NBEAL1: variants seen among roughly 807,000 people sequenced by gnomAD.
NBEAL1 encodes neurobeachin-like protein 1.
NBEAL1 carries 273 observed loss-of-function variants against 351.3 expected under a neutral mutation model. The observed-to-expected ratio is 0.78, with a 90% CI of 0.70 to 0.86. The LOEUF is 0.86. Among genes scored for constraint, NBEAL1 ranks in the 40% least tolerant of loss-of-function variants. The pLI, the probability that NBEAL1 is intolerant of heterozygous loss-of-function variation, is 0.00. For synonymous variants in NBEAL1, 1,050 were observed against 1,086.4 expected, an observed-to-expected ratio of 0.97 and a Z score of 0.66; for missense variants, 2,961 against 3,201.3, an observed-to-expected ratio of 0.92 and a Z score of 1.81.
At position 203,062,452 on chromosome 2, in the gene NBEAL1, G is replaced by A; in HGVS notation, c.515+4999G>A. The A allele has an allele frequency of 5.5e-6, 2 of 366,166 alleles. No homozygotes were observed. The highest frequency in any genetic ancestry group is 4.2e-5 in the South Asian group (2 of 47,868). The allele number at this position is 366,166 out of a possible 1,614,324, so 22.7% of individuals were successfully genotyped here. A position where few individuals can be genotyped will look rare whatever the true frequency, so the allele number is the denominator to read the frequency against. ...GCATCCTGCCCAGGGATCTTGCAGGGCCTGCAGGTCACAGGCAACAGAGGC... is the reference window on the plus strand; with the variant it reads ...GCATCCTGCCCAGGGATCTTGCAGGACCTGCAGGTCACAGGCAACAGAGGC... On this transcript the variant is annotated intron_variant, in intron 6 of 55. Coordinates refer to ENST00000683969, the MANE Select transcript of NBEAL1 (RefSeq NM_001378026.1). This position sits in a 1 kb window ranked among gnomAD's most constrained non-coding sequence, Gnocchi z 4.2.
At position 203,213,667 on chromosome 2, in the gene NBEAL1, T is replaced by A; in HGVS notation, c.8070+14T>A. On this transcript the variant is annotated intron_variant, in intron 55 of 55. Transcript: ENST00000683969. ...AAGCCTGCTGAGGTAAAACCTAGCA[T>A]CAGTAATTTCATTTCTCATGCTGTT... The A allele has an allele frequency of 6.2e-7, 1 of 1,613,400 alleles. No homozygotes were observed. Among genetic ancestry groups the A allele is most frequent in the Non-Finnish European group, 8.5e-7 (1 of 1,179,788 alleles).
At chr2:203,190,451 C>A in intron 46 of NBEAL1, 62 bp downstream of exon 46, 1 of 1,142,540 alleles carries the variant, frequency 8.8e-7, no homozygotes, top group Non-Finnish European at 1.3e-6. Flanking sequence ...AAGTACATAA[C>A]AAAATATTGC....
chr2:203,195,142 C>T (rs1253349850), intron 47 of NBEAL1, among the ~76,000 whole-genome samples: 2 of 148,968 alleles, frequency 1.3e-5, no homozygotes, highest in Admixed American at 6.7e-5. Context: ...TGCAGTGAGC[C>T]GAGATCACGC....
chr2:203,185,105 A>T (rs2064856736), intron 44 of NBEAL1, among the ~76,000 whole-genome samples: 1 of 152,200 alleles, frequency 6.6e-6, no homozygotes, highest in Admixed American at 6.5e-5. Context: ...TCCAAGGTTG[A>T]ACAGGCAGTT....
chr2:203,031,695 TG>T (rs1270923209), intron 2 of NBEAL1, among the ~76,000 whole-genome samples: 2 of 152,088 alleles, frequency 1.3e-5, no homozygotes, highest in African/African-American at 4.8e-5. Context: ...TATCTTGAAA[TG>T]GGGGAAAAAT....
chr2:203,218,146 A>C lies in NBEAL1; in HGVS notation c.*792A>C, dbSNP rs1164433188. The stretch of plus-strand genomic sequence containing the variant: ...TTGACTCTTTCTTCACTAAGCAAAT[A>C]CTGTTTTACTCTAATAATTAAGAGT... On this transcript the variant is annotated 3_prime_UTR_variant, in exon 56 of 56. Coordinates refer to ENST00000683969, the MANE Select transcript of NBEAL1 (RefSeq NM_001378026.1). 2 of 161,624 alleles carry C rather than the reference A, an allele frequency of 1.2e-5. No homozygotes were observed. The highest frequency in any genetic ancestry group is 4.8e-5 in the African/African-American group (2 of 41,614). 10.0% of individuals were successfully genotyped at this position (161,624 alleles called of 1,614,324 possible).
intron 47 of NBEAL1, among the ~76,000 whole-genome samples, chr2:203,195,981 C>T (rs1020490970): frequency 2.0e-5 from 3 of 152,150 alleles, no homozygotes; most frequent in African/African-American, 7.2e-5. Flanking sequence ...ATGAACTGTT[C>T]GCCAGCCAAG....
Position 203,145,117 on chromosome 2 carries a change from A to G in NBEAL1, c.5261A>G (p.His1754Arg), listed in dbSNP as rs766725336. The change falls in exon 33 of 56, where the codon CAT (histidine) becomes CGT (arginine). Residue 1754 changes from histidine (H) to arginine (R), a missense_variant. Physicochemically the swap from His to Arg is conservative, Grantham distance 29 (BLOSUM62 0). Transcript: ENST00000683969. The stretch of plus-strand genomic sequence containing the variant: ...TATGAAGCTTTAATGGTAAATATGC[A>G]TAAACGAGACCGGGAAGGAGGGGAA... The part of the protein sequence containing the change: ...DCYEALMVNM[H>R]KRDREGGESK... 6.8e-6 allele frequency: 11 copies of G among 1,611,988 alleles called. No individual in the cohort carries two copies. Among genetic ancestry groups the G allele is most frequent in the South Asian group, 1.1e-5 (1 of 90,244 alleles).
At chr2:203,097,977 C>A (rs909609896) in intron 11 of NBEAL1, among the ~76,000 whole-genome samples, 2 of 151,958 alleles carry the variant, frequency 1.3e-5, no homozygotes, top group Non-Finnish European at 2.9e-5. Context: ...GACCTTAGGG[C>A]TTTCTTTGTG....
intron 8 of NBEAL1, among the ~76,000 whole-genome samples, 194 bp downstream of exon 8, chr2:203,078,031 C>A (rs1259886779): frequency 2.0e-5 from 3 of 152,026 alleles, no homozygotes; most frequent in Admixed American, 6.6e-5. Flanking sequence ...AATAAAATTA[C>A]TGAATAAATA....
chr2:203,091,759 C>T (rs1444459392), intron 10 of NBEAL1, among the ~76,000 whole-genome samples: 3 of 152,022 alleles, frequency 2.0e-5, no homozygotes, highest in Admixed American at 1.3e-4. Flanking sequence ...GCTTATTGGC[C>T]ATTTGTATAT....
chr2:203,020,941 G>A (rs2060760653), intron 2 of NBEAL1, among the ~76,000 whole-genome samples: 1 of 152,036 alleles, frequency 6.6e-6, no homozygotes. Flanking sequence ...TTGTTTTGGA[G>A]ACGGAGTCTC....
intron 7 of NBEAL1, among the ~76,000 whole-genome samples, chr2:203,074,476 C>T (rs929071068): frequency 4.6e-5 from 7 of 151,588 alleles, no homozygotes; most frequent in South Asian, 2.1e-4. Flanking sequence ...TACAGGTGCC[C>T]GCCATCATAC....
chr2:203,198,825 C>G (rs973053191), intron 48 of NBEAL1, among the ~76,000 whole-genome samples: 1 of 150,992 alleles, frequency 6.6e-6, no homozygotes, highest in Admixed American at 6.6e-5. Flanking sequence ...CCACTGCACT[C>G]CAGCCTGGGT....
At chr2:203,163,665 A>G (rs886490988) in intron 36 of NBEAL1, among the ~76,000 whole-genome samples, 1 of 152,214 alleles carries the variant, frequency 6.6e-6, no homozygotes, top group Admixed American at 6.5e-5. Context: ...ATAGAATCAT[A>G]CCATGTTTCT....
intron 10 of NBEAL1, among the ~76,000 whole-genome samples, chr2:203,093,250 A>G (rs1486157201): frequency 2.0e-5 from 3 of 149,738 alleles, no homozygotes; most frequent in African/African-American, 5.0e-5. Context: ...AAAAAAAAAA[A>G]AAAAAAAAGA....
At chr2:203,102,425 A>C (rs1393096194) in intron 12 of NBEAL1, among the ~76,000 whole-genome samples, 2 of 152,186 alleles carry the variant, frequency 1.3e-5, no homozygotes, top group Non-Finnish European at 2.9e-5. Flanking sequence ...TTCCCCATTC[A>C]GTATGATGTT....
chr2:203,102,413 T>A (rs960530140), intron 12 of NBEAL1, among the ~76,000 whole-genome samples: 1 of 152,228 alleles, frequency 6.6e-6, no homozygotes, highest in Non-Finnish European at 1.5e-5. Context: ...TGCTTCCAGC[T>A]TTTCCCCATT....
At chr2:203,209,739 G>GTGTGTGTGTGTA (rs2065724679) in intron 53 of NBEAL1, among the ~76,000 whole-genome samples, 1 of 151,658 alleles carries the variant, frequency 6.6e-6, no homozygotes, top group Non-Finnish European at 1.5e-5. Context: ...GTGTGTGTGT[G>GTGTGTGTGTGTA]TGTGTGTATT....
Sources: gnomAD v4.1 joint callset for allele counts (sites outside exome capture counted in the v4.1 genomes callset) on GRCh38, gnomAD v4.1.1 for gene constraint, Gnocchi (gnomAD v3.1) non-coding constraint, MANE v1.5 for transcripts, NCBI Gene and HGNC (gene_info 2026-07-23, HGNC 2026-07-21) for gene names.